Variants in MYCBP observed in about 807,000 individuals in gnomAD.
MYCBP encodes the protein C-Myc-binding protein.
MYCBP carries 5 observed loss-of-function variants against 16.8 expected under a neutral mutation model. The observed-to-expected ratio is 0.30, with a 90% CI of 0.16 to 0.63. MYCBP has a LOEUF of 0.63. Ranked by LOEUF, MYCBP falls within the 20% of genes least tolerant of loss-of-function variation. The probability of loss-of-function intolerance (pLI) is 0.83; values close to 1 mark genes in which losing one functional copy is unlikely to be tolerated. For synonymous variants in MYCBP, 35 were observed against 43.7 expected (o/e 0.80, Z 0.79); for missense variants, 103 against 121.8 (o/e 0.85, Z 0.73).
intron 4 of MYCBP, among the ~76,000 whole-genome samples, chr1:38,865,926 C>T (rs979936621): frequency 3.3e-5 from 5 of 152,014 alleles, no homozygotes; most frequent in African/African-American, 7.2e-5. Context: ...ACAAAGCAGT[C>T]GCCCCATATT....
At chr1:38,867,477 A>G in intron 3 of MYCBP, 85 bp downstream of exon 3, 1 of 1,141,946 alleles carries the variant, frequency 8.8e-7, no homozygotes, top group Non-Finnish European at 1.3e-6. Flanking sequence ...AACTTTCTCA[A>G]TATTCAGAAG....
intron 4 of MYCBP, 123 bp from the exon 5 acceptor site, chr1:38,864,837 C>A: frequency 1.2e-6 from 1 of 813,164 alleles, no homozygotes; most frequent in South Asian, 1.6e-5. Context: ...ATATCAGTTT[C>A]TATAACTATC....
chr1:38,866,044 CTTTTTTTTT>C (rs71057153), intron 4 of MYCBP, among the ~76,000 whole-genome samples: 9 of 65,716 alleles, frequency 1.4e-4, no homozygotes, highest in African/African-American at 7.1e-4. Context: ...CTAAGAACCT[CTTTTTTTTT>C]TTTTTTTTTT....
intron 4 of MYCBP, among the ~76,000 whole-genome samples, chr1:38,866,153 A>G (rs1642333736): frequency 7.0e-6 from 1 of 142,182 alleles, no homozygotes; most frequent in Non-Finnish European, 1.5e-5. Flanking sequence ...GGTTCAAGCA[A>G]TTCTCCTGCC....
In MYCBP at chr1:38,864,744, G is replaced by A. The variant is rs1198485926; in HGVS notation, c.268-30C>T. 4.4e-6 allele frequency: 7 copies of A among 1,604,140 alleles called. No individual in the cohort carries two copies. In the East Asian group the frequency reaches 1.6e-4, roughly 36 times the overall value. On this transcript the variant is annotated intron_variant, in intron 4 of 4. Coordinates refer to ENST00000397572, the MANE Select transcript of MYCBP (RefSeq NM_012333.5). ...GGGGCAAAGACAGAGGAATTTAGGT[G>A]AATTTTATTCTAAATTGAGTAAAAA... is the stretch of plus-strand genomic sequence containing the variant.
Position 38,864,544 on chromosome 1 carries a change from G to T in MYCBP, c.*126C>A. ...GATGATTCTATGTGTTTTTAACAGA[G>T]TGTGATAGGTGAATTAAACATATTA... On this transcript the variant is annotated 3_prime_UTR_variant, in exon 5 of 5. Transcript: ENST00000397572. 1.1e-6 allele frequency: 1 copy of T among 947,246 alleles called. No homozygotes were observed. Among genetic ancestry groups the T allele is most frequent in the Non-Finnish European group, 1.7e-6 (1 of 601,332 alleles). 58.7% of individuals were successfully genotyped at this position (947,246 alleles called of 1,614,324 possible). A position where few individuals can be genotyped will look rare whatever the true frequency, so the allele number is the denominator to read the frequency against.
chr1:38,866,341 C>T (rs970680192), intron 4 of MYCBP, among the ~76,000 whole-genome samples: 3 of 151,912 alleles, frequency 2.0e-5, no homozygotes, highest in African/African-American at 7.3e-5. Context: ...AGCCACCGCA[C>T]CCAGCCAGAA....
rs760672809 is a variant in MYCBP, at chr1:38,864,739, T to C, written c.268-25A>G. The C allele has an allele frequency of 3.7e-6, 6 of 1,609,462 alleles. No homozygotes were observed. In the East Asian group the frequency reaches 6.7e-5, roughly 18 times the overall value. On this transcript the variant is annotated intron_variant, in intron 4 of 4. Transcript: ENST00000397572. ...GCTATGGGGCAAAGACAGAGGAATT[T>C]AGGTGAATTTTATTCTAAATTGAGT...
chr1:38,867,105 T>G, intron 3 of MYCBP, 96 bp from the exon 4 acceptor site: 2 of 1,136,292 alleles, frequency 1.8e-6, no homozygotes, highest in Admixed American at 2.4e-5. Flanking sequence ...GTCACCCACT[T>G]TACCACCAAT....
At chr1:38,870,589 C>T (rs558868209) in intron 2 of MYCBP, among the ~76,000 whole-genome samples, 61 of 149,294 alleles carry the variant, frequency 4.1e-4, no homozygotes, top group African/African-American at 1.4e-3. Context: ...GTCAGGAGAT[C>T]GAGACCATCC....
rs1187730237 is a variant in MYCBP, at chr1:38,864,082, C to T, written c.*588G>A. 2 of 153,188 alleles carry T rather than the reference C, an allele frequency of 1.3e-5. No individual in the cohort carries two copies. The highest frequency in any genetic ancestry group is 2.9e-5 in the Non-Finnish European group (2 of 68,464). 9.5% of individuals were successfully genotyped at this position (153,188 alleles called of 1,614,324 possible). ...AGGAAAGCAATGCAAGATTATCAGACAGGCATGATTGCATAGAAGGAAAAT... is the reference window on the plus strand; with the variant it reads ...AGGAAAGCAATGCAAGATTATCAGATAGGCATGATTGCATAGAAGGAAAAT... On this transcript the variant is annotated 3_prime_UTR_variant, in exon 5 of 5. Transcript: ENST00000397572.
intron 2 of MYCBP, chr1:38,872,496 C>T (rs1642486255): frequency 6.5e-6 from 1 of 154,312 alleles, no homozygotes; most frequent in Non-Finnish European, 1.4e-5. Flanking sequence ...GAAATATACA[C>T]AAAATAAGAA....
chr1:38,864,725 A>G lies in MYCBP; in HGVS notation c.268-11T>C. ...TTCATACTGAGCAAGCTATGGGGCA[A>G]AGACAGAGGAATTTAGGTGAATTTT... On this transcript the variant is annotated splice_polypyrimidine_tract_variant and intron_variant, in intron 4 of 4. Coordinates refer to ENST00000397572, the MANE Select transcript of MYCBP (RefSeq NM_012333.5). 9 of 1,613,170 alleles carry G rather than the reference A, an allele frequency of 5.6e-6. No homozygotes were observed. The highest frequency in any genetic ancestry group is 7.6e-6 in the Non-Finnish European group (9 of 1,179,318).
chr1:38,872,961 G>A (rs1642498631), intron 2 of MYCBP, 57 bp downstream of exon 2: 1 of 1,537,644 alleles, frequency 6.5e-7, no homozygotes, highest in Non-Finnish European at 8.8e-7. Context: ...TGGGGAACGG[G>A]GCAGCGCCGG....
In MYCBP at chr1:38,864,673, T is replaced by A; in HGVS notation, c.309A>T (p.Glu103Asp). ...YEPPQEEKRA[E>D] ...GTCTTTCAAACTGAGAAGAATCCTA[T>A]TCAGCACGCTTCTCCTCCTGAGGTG... The change falls in exon 5 of 5, where the codon GAA (glutamate) becomes GAT (aspartate). Residue 103 changes from glutamate (E) to aspartate (D), a missense_variant. Physicochemically the swap from Glu to Asp is conservative, Grantham distance 45. Transcript: ENST00000397572. 6.2e-7 allele frequency: 1 copy of A among 1,613,920 alleles called. No individual in the cohort carries two copies. The highest frequency in any genetic ancestry group is 8.5e-7 in the Non-Finnish European group (1 of 1,179,850).
rs1427088055 is a variant in MYCBP at position 38,862,695 on chromosome 1, G to A, written c.*1975C>T. Among the ~76,000 whole-genome samples, 1 of 152,146 alleles carries A rather than the reference G, an allele frequency of 6.6e-6. No individual in the cohort carries two copies. The highest frequency in any genetic ancestry group is 6.5e-5 in the Admixed American group (1 of 15,284). The stretch of plus-strand genomic sequence containing the variant: ...AGAAATGTTGAAGAGGACCTCTAGA[G>A]GCTAAGCTTATCCTGAATTCTTAAA... On this transcript the variant is annotated 3_prime_UTR_variant, in exon 5 of 5. Transcript: ENST00000397572.
At position 38,864,331 on chromosome 1, in the gene MYCBP, C is replaced by T; in HGVS notation, c.*339G>A. The T allele has an allele frequency of 3.0e-6, 1 of 333,458 alleles. No homozygotes were observed. The highest frequency in any genetic ancestry group is 4.5e-5 in the Admixed American group (1 of 22,164). The allele number at this position is 333,458 out of a possible 1,614,324, so 20.7% of individuals were successfully genotyped here. A position where few individuals can be genotyped will look rare whatever the true frequency, so the allele number is the denominator to read the frequency against. On this transcript the variant is annotated 3_prime_UTR_variant, in exon 5 of 5. Coordinates refer to ENST00000397572, the MANE Select transcript of MYCBP (RefSeq NM_012333.5). The stretch of plus-strand genomic sequence containing the variant: ...GTACCTGTGTTCATATCCTGAACTG[C>T]ACCAAGGAATAGCTCCATGCTAAAC...
intron 2 of MYCBP, among the ~76,000 whole-genome samples, chr1:38,868,612 CA>C (rs967362425): frequency 6.6e-6 from 1 of 151,740 alleles, no homozygotes; most frequent in African/African-American, 2.4e-5. Flanking sequence ...TAAACACACA[CA>C]AAAAAAATGT....
chr1:38,873,216 AC>A, intron 1 of MYCBP, 74 bp downstream of exon 1: 2 of 1,575,368 alleles, frequency 1.3e-6, no homozygotes, highest in Non-Finnish European at 8.6e-7. Context: ...TGCGCGCGCG[AC>A]CCCACTCCCA....
Sources: gnomAD v4.1 joint callset for allele counts (sites outside exome capture counted in the v4.1 genomes callset) on GRCh38, gnomAD v4.1.1 for gene constraint, MANE v1.5 for transcripts, NCBI Gene and HGNC (gene_info 2026-07-23, HGNC 2026-07-21) for gene names.